Variants in CIT observed in about 807,000 individuals in gnomAD.
CIT encodes the protein citron Rho-interacting kinase.
CIT carries 79 observed loss-of-function variants against 272.7 expected under a neutral mutation model. That is an observed-to-expected ratio of 0.29 (90% CI 0.24 to 0.35). The LOEUF (loss-of-function observed/expected upper bound fraction) is 0.35. CIT is among the 10% of genes least tolerant of loss of function. CIT has a pLI of 1.00. For synonymous variants in CIT, 948 were observed against 995.6 expected, an observed-to-expected ratio of 0.95 and a Z score of 0.90; for missense variants, 1,909 against 2,618.3, an observed-to-expected ratio of 0.73 and a Z score of 5.91.
chr12:119,816,499 T>G (rs1442910826), intron 9 of CIT, among the ~76,000 whole-genome samples: 3 of 152,106 alleles, frequency 2.0e-5, no homozygotes, highest in African/African-American at 7.2e-5. Flanking sequence ...GAGGCTAGCA[T>G]CCAATTTCTT....
intron 5 of CIT, among the ~76,000 whole-genome samples, chr12:119,846,802 A>G (rs1969836444): frequency 6.6e-6 from 1 of 151,942 alleles, no homozygotes; most frequent in African/African-American, 2.4e-5. Context: ...CTAATCAGGA[A>G]GGTGAAGCAG....
In CIT at chr12:119,710,507, GACACCAGCTGGCCGTGCCC is replaced by G. The variant is rs1216505225; in HGVS notation, c.4935+14_4935+32del. 1 of 1,613,144 alleles carries G rather than the reference GACACCAGCTGGCCGTGCCC, an allele frequency of 6.2e-7. No individual in the cohort carries two copies. The highest frequency in any genetic ancestry group is 1.3e-5 in the African/African-American group (1 of 74,900). ...TCTTGATGGGGTGTGGCTGTAACCA[GACACCAGCTGGCCGTGCCC>G]ATGCAAGCATTACCTGGTCACTGAA... On this transcript the variant is annotated intron_variant, in intron 38 of 47. Coordinates refer to ENST00000392521, the MANE Select transcript of CIT (RefSeq NM_001206999.2). The surrounding 1 kb of genome is among the most constrained non-coding windows in gnomAD (Gnocchi z 5.6).
At chr12:119,822,442 T>C (rs1967801954) in intron 9 of CIT, among the ~76,000 whole-genome samples, 1 of 152,240 alleles carries the variant, frequency 6.6e-6, no homozygotes, top group African/African-American at 2.4e-5. Context: ...CAGAACAACC[T>C]GGGCATGTTG....
At chr12:119,761,486 A>G (rs1021635403) in intron 19 of CIT, among the ~76,000 whole-genome samples, 2 of 152,034 alleles carry the variant, frequency 1.3e-5, no homozygotes, top group African/African-American at 4.8e-5. Flanking sequence ...AATATTCCTC[A>G]CTCCTAATTT....
intron 9 of CIT, among the ~76,000 whole-genome samples, chr12:119,810,393 G>C (rs542333003): frequency 6.6e-6 from 1 of 152,096 alleles, no homozygotes; most frequent in African/African-American, 2.4e-5. Context: ...CCACATTCAG[G>C]TTACAGAAAG....
rs1956276734 is a variant in CIT at position 119,697,271 on chromosome 12, T to G, written c.5882+388A>C. Among the ~76,000 whole-genome samples, 1 of 152,154 alleles carries G rather than the reference T, an allele frequency of 6.6e-6. No homozygotes were observed. The highest frequency in any genetic ancestry group is 1.5e-5 in the Non-Finnish European group (1 of 68,022). On this transcript the variant is annotated intron_variant, in intron 46 of 47. Transcript: ENST00000392521. The surrounding 1 kb of genome is among the most constrained non-coding windows in gnomAD (Gnocchi z 4.9). ...CTCTGATTGCCAGCATCTCTCCCAC[T>G]GGGCTGTGAGTGCCATCAGGGAGGG...
rs762486733 is a variant in CIT at position 119,775,750 on chromosome 12, G to T, written c.1941+36C>A. 8 of 1,538,938 alleles carry T rather than the reference G, an allele frequency of 5.2e-6. No individual in the cohort carries two copies. The South Asian group carries it at 5.6e-5, about 11-fold the overall frequency. ...CAAAGATGTTTGGAAAGGAGGTGGT[G>T]GGGGGTAAGTTCCTGAAAAATCACC... On this transcript the variant is annotated intron_variant, in intron 16 of 47. Coordinates refer to ENST00000392521, the MANE Select transcript of CIT (RefSeq NM_001206999.2).
In CIT at chr12:119,870,804, A is replaced by G. The variant is rs553062417; in HGVS notation, c.97-1603T>C. Among the ~76,000 whole-genome samples the G allele has an allele frequency of 2.0e-5, 3 of 152,220 alleles. No individual in the cohort carries two copies. The East Asian group carries it at 5.8e-4, about 29-fold the overall frequency. On this transcript the variant is annotated intron_variant, in intron 2 of 47. Coordinates refer to ENST00000392521, the MANE Select transcript of CIT (RefSeq NM_001206999.2). ...AGAGACTACAGGACCCACAAAGCCT[A>G]AAATATTTATTACTTACAAAAAAAG...
chr12:119,793,644 G>A (rs560113672), intron 10 of CIT, among the ~76,000 whole-genome samples: 29 of 152,320 alleles, frequency 1.9e-4, no homozygotes, highest in Admixed American at 2.6e-4. Flanking sequence ...GCACCCATAG[G>A]TTAGTGGCAG....
chr12:119,752,000 A>C, intron 23 of CIT, 50 bp downstream of exon 23: 1 of 1,527,166 alleles, frequency 6.5e-7, no homozygotes, highest in Non-Finnish European at 9.0e-7. Context: ...TTCCACACTC[A>C]TCCTAGCTGA....
Position 119,784,724 on chromosome 12 carries a change from G to T in CIT, c.1401+236C>A, listed in dbSNP as rs2137712709. 1 of 1,370,732 alleles carries T rather than the reference G, an allele frequency of 7.3e-7. No individual in the cohort carries two copies. Among genetic ancestry groups the T allele is most frequent in the South Asian group, 1.8e-5 (1 of 56,192 alleles). The allele number at this position is 1,370,732 out of a possible 1,614,324, so 84.9% of individuals were successfully genotyped here. On this transcript the variant is annotated intron_variant, in intron 11 of 47. Transcript: ENST00000392521. This position sits in a 1 kb window ranked among gnomAD's most constrained non-coding sequence, Gnocchi z 4.7. ...TCTGGCTGGGTCATGCTGAGAAACG[G>T]ACTGTTTAAATCCAGGGCCTCCTCT...
chr12:119,697,196 G>A lies in CIT; in HGVS notation c.5882+463C>T, dbSNP rs542903729. On this transcript the variant is annotated intron_variant, in intron 46 of 47. Transcript: ENST00000392521. This position sits in a 1 kb window ranked among gnomAD's most constrained non-coding sequence, Gnocchi z 4.9. Reference sequence around the variant, plus strand: ...ATGGGAAATCCTCCCTCACCTCCACGTCCAGGCTTTCAACCACCCCACCAG... The same window carrying A: ...ATGGGAAATCCTCCCTCACCTCCACATCCAGGCTTTCAACCACCCCACCAG... Among the ~76,000 whole-genome samples the A allele has an allele frequency of 5.9e-5, 9 of 151,790 alleles. No homozygotes were observed. Among genetic ancestry groups the A allele is most frequent in the Non-Finnish European group, 1.2e-4 (8 of 67,980 alleles).
chr12:119,802,116 A>G (rs544371816), intron 10 of CIT, among the ~76,000 whole-genome samples: 4 of 152,276 alleles, frequency 2.6e-5, no homozygotes, highest in South Asian at 2.1e-4. Flanking sequence ...TACAAATACC[A>G]CAAAGAGGGA....
rs5801368 is a variant in CIT at position 119,827,442 on chromosome 12, A to ATT, written c.754-2076_754-2075dup. ...AAAATGCACCAACAATAACCAATAGATTTTTTTTTTTTCCGAGATGGAGTC... is the reference window on the plus strand; with the variant it reads ...AAAATGCACCAACAATAACCAATAGATTTTTTTTTTTTTTCCGAGATGGAGTC... On this transcript the variant is annotated intron_variant, in intron 7 of 47. Transcript: ENST00000392521. Among the ~76,000 whole-genome samples, 41 of 148,714 alleles carry ATT rather than the reference A, an allele frequency of 2.8e-4. No individual in the cohort carries two copies. In the East Asian group the frequency reaches 3.4e-3, roughly 12 times the overall value.
chr12:119,850,095 A>G, intron 5 of CIT, 79 bp downstream of exon 5: 1 of 919,510 alleles, frequency 1.1e-6, no homozygotes, highest in Non-Finnish European at 1.8e-6. Context: ...CATGGGCAAG[A>G]ACAACATTCA....
intron 26 of CIT, among the ~76,000 whole-genome samples, chr12:119,733,529 C>CAAA (rs113216303): frequency 1.9e-5 from 2 of 103,874 alleles, no homozygotes; most frequent in Non-Finnish European, 4.2e-5. Context: ...GACTCTGTCA[C>CAAA]AAAAAAAAAA....
At chr12:119,717,472 G>A (rs1957566524) in intron 32 of CIT, among the ~76,000 whole-genome samples, 1 of 142,364 alleles carries the variant, frequency 7.0e-6, no homozygotes, top group African/African-American at 2.7e-5. Context: ...CCAGGCTGGA[G>A]TGCAGTGGGG....
rs574860092 is a variant in CIT, at chr12:119,787,514, G to A, written c.1296-2449C>T. ...TGGGGGGCCGAGGCAAGCGGATCAC[G>A]AGGTCAGGAGATCCAGACCATCCTG... is the stretch of plus-strand genomic sequence containing the variant. On this transcript the variant is annotated intron_variant, in intron 10 of 47. Transcript: ENST00000392521. 1.3e-4 allele frequency among the ~76,000 whole-genome samples: 20 copies of A among 151,376 alleles called. No individual in the cohort carries two copies. In the South Asian group the frequency reaches 3.8e-3, roughly 28 times the overall value.
In CIT at chr12:119,695,161, G is replaced by A. The variant is rs147083509; in HGVS notation, c.5882+2498C>T. ...AAACAAAGGAATCTCAGCAAGAACC[G>A]AATGTTTTGTGACATTCAACTTGCC... is the stretch of plus-strand genomic sequence containing the variant. On this transcript the variant is annotated intron_variant, in intron 46 of 47. Coordinates refer to ENST00000392521, the MANE Select transcript of CIT (RefSeq NM_001206999.2). Among the ~76,000 whole-genome samples the A allele has an allele frequency of 3.7e-3, 561 of 152,226 alleles. 8 individuals carry two copies. Among genetic ancestry groups the A allele is most frequent in the Middle Eastern group, 0.02 (6 of 294 alleles).
Sources: gnomAD v4.1 joint callset for allele counts (sites outside exome capture counted in the v4.1 genomes callset) on GRCh38, gnomAD v4.1.1 for gene constraint, Gnocchi (gnomAD v3.1) non-coding constraint, MANE v1.5 for transcripts, NCBI Gene and HGNC (gene_info 2026-07-23, HGNC 2026-07-21) for gene names.